Variants in SUGCT observed in about 807,000 individuals in gnomAD.
The protein encoded by SUGCT is succinyl-CoA:glutarate-CoA transferase.
A neutral mutation model predicts 55.0 loss-of-function variants in SUGCT; 41 were observed. The observed-to-expected ratio is 0.74, with a 90% CI of 0.58 to 0.97. The LOEUF is 0.97. SUGCT is among the 50% of genes least tolerant of loss of function. The probability of loss-of-function intolerance (pLI) is 0.00; values close to 1 mark genes in which losing one functional copy is unlikely to be tolerated. For synonymous variants in SUGCT, 187 were observed against 200.4 expected (o/e 0.93, Z 0.56); for missense variants, 568 against 547.8 (o/e 1.04, Z -0.37).
At chr7:40,801,347 G>GT (rs1027160798) in intron 13 of SUGCT, among the ~76,000 whole-genome samples, 3 of 152,202 alleles carry the variant, frequency 2.0e-5, no homozygotes, top group Middle Eastern at 3.2e-3. Context: ...AGAACATCTT[G>GT]TGGGGGGGAG....
the SUGCT span, among the ~76,000 whole-genome samples, chr7:40,911,231 C>G: frequency 6.6e-6 from 1 of 151,920 alleles, no homozygotes; most frequent in African/African-American, 2.4e-5. Context: ...ACAAAATAAG[C>G]AAAGAAACAG....
chr7:40,322,228 C>T (rs924409300), intron 9 of SUGCT, among the ~76,000 whole-genome samples: 11 of 152,080 alleles, frequency 7.2e-5, no homozygotes, highest in African/African-American at 2.4e-4. Context: ...AAGAATCTCC[C>T]CATCTTGTGT....
chr7:40,760,289 T>C (rs2128720062), intron 13 of SUGCT, among the ~76,000 whole-genome samples: 1 of 152,286 alleles, frequency 6.6e-6, no homozygotes, highest in Non-Finnish European at 1.5e-5. Context: ...GTTAAGATGA[T>C]TTTTCTTCCC....
At chr7:40,638,248 T>C (rs1800106373) in intron 12 of SUGCT, among the ~76,000 whole-genome samples, 1 of 152,208 alleles carries the variant, frequency 6.6e-6, no homozygotes, top group African/African-American at 2.4e-5. Context: ...GGCAATTAAT[T>C]ACTACTAGTT....
At chr7:40,336,928 C>T (rs1478458498) in intron 9 of SUGCT, among the ~76,000 whole-genome samples, 1 of 152,142 alleles carries the variant, frequency 6.6e-6, no homozygotes, top group Non-Finnish European at 1.5e-5. Flanking sequence ...AAATGTGTCC[C>T]AGAGATTCTG....
chr7:40,835,990 T>C (rs960791796), intron 13 of SUGCT, among the ~76,000 whole-genome samples: 7 of 150,508 alleles, frequency 4.7e-5, no homozygotes, highest in Non-Finnish European at 1.0e-4. Flanking sequence ...TTTCCCAAGC[T>C]CAAGCAATCC....
chr7:40,150,057 C>T (rs1446543948), intron 1 of SUGCT, among the ~76,000 whole-genome samples: 1 of 101,078 alleles, frequency 9.9e-6, no homozygotes, highest in African/African-American at 6.4e-5. Context: ...CACGCCACTG[C>T]ACTCCAACCT....
intron 12 of SUGCT, among the ~76,000 whole-genome samples, chr7:40,605,624 A>T (rs1415481170): frequency 6.6e-6 from 1 of 152,176 alleles, no homozygotes; most frequent in African/African-American, 2.4e-5. Flanking sequence ...AATACCTACA[A>T]TCTTGAGAAA....
intron 9 of SUGCT, among the ~76,000 whole-genome samples, chr7:40,388,712 G>A (rs1562738851): frequency 6.6e-6 from 1 of 152,068 alleles, no homozygotes; most frequent in Admixed American, 6.6e-5. Context: ...CACTGCGCCC[G>A]GGCAGAACAT....
At chr7:40,397,307 G>A (rs1049630604) in intron 9 of SUGCT, among the ~76,000 whole-genome samples, 1 of 152,098 alleles carries the variant, frequency 6.6e-6, no homozygotes, top group Non-Finnish European at 1.5e-5. Context: ...ATCCTTTAAA[G>A]CTCAGCTCTC....
chr7:40,282,744 A>T (rs568486055), intron 8 of SUGCT, among the ~76,000 whole-genome samples: 12 of 151,938 alleles, frequency 7.9e-5, no homozygotes, highest in Non-Finnish European at 1.6e-4. Flanking sequence ...GGTTGTGAGC[A>T]CCTGTCACAA....
intron 12 of SUGCT, among the ~76,000 whole-genome samples, chr7:40,678,148 T>C (rs183351812): frequency 1.4e-3 from 210 of 152,326 alleles, no homozygotes; most frequent in African/African-American, 4.8e-3. Flanking sequence ...CAGTATTTTA[T>C]TGAAAACAGA....
At chr7:40,870,834 A>G in the SUGCT span, among the ~76,000 whole-genome samples, 1 of 151,966 alleles carries the variant, frequency 6.6e-6, no homozygotes, top group East Asian at 1.9e-4. Context: ...TATTTGTTTT[A>G]TTTTGTGGGT....
At chr7:40,550,608 A>G (rs1441853267) in intron 12 of SUGCT, among the ~76,000 whole-genome samples, 1 of 152,240 alleles carries the variant, frequency 6.6e-6, no homozygotes, top group Non-Finnish European at 1.5e-5. Flanking sequence ...AAAAGCATTT[A>G]TTTCAGAACC....
chr7:40,343,634 A>C (rs1167129058), intron 9 of SUGCT, among the ~76,000 whole-genome samples: 1 of 151,532 alleles, frequency 6.6e-6, no homozygotes, highest in Non-Finnish European at 1.5e-5. Context: ...CATTTTTATT[A>C]GTTGAAACTC....
intron 11 of SUGCT, among the ~76,000 whole-genome samples, chr7:40,468,546 A>G (rs1484161691): frequency 6.6e-6 from 1 of 152,152 alleles, no homozygotes; most frequent in African/African-American, 2.4e-5. Context: ...GATTTCACTT[A>G]TTTGCATGAA....
chr7:40,818,569 G>A (rs1008443616), intron 13 of SUGCT, among the ~76,000 whole-genome samples: 7 of 152,168 alleles, frequency 4.6e-5, no homozygotes, highest in Admixed American at 2.6e-4. Context: ...CATTAATAAT[G>A]TAGAAGTATA....
intron 9 of SUGCT, among the ~76,000 whole-genome samples, chr7:40,396,779 T>C: frequency 6.6e-6 from 1 of 152,218 alleles, no homozygotes; most frequent in East Asian, 1.9e-4. Context: ...TTATTTTGTT[T>C]ATTCATCTTT....
intron 11 of SUGCT, among the ~76,000 whole-genome samples, chr7:40,461,236 G>T (rs1789780586): frequency 6.6e-6 from 1 of 152,008 alleles, no homozygotes; most frequent in Non-Finnish European, 1.5e-5. Flanking sequence ...TTAGTGCTTG[G>T]CTTTGAGAAG....
Sources: gnomAD v4.1 joint callset for allele counts (sites outside exome capture counted in the v4.1 genomes callset) on GRCh38, gnomAD v4.1.1 for gene constraint, MANE v1.5 for transcripts, NCBI Gene and HGNC (gene_info 2026-07-23, HGNC 2026-07-21) for gene names.